The following ADAMTSL1 variants were observed in gnomAD, a reference collection of about 807,000 sequenced individuals.
ADAMTSL1 encodes the protein ADAMTS like 1.
A neutral mutation model predicts 201.8 loss-of-function variants in ADAMTSL1; 126 were observed. The observed-to-expected ratio is 0.62, with a 90% CI of 0.54 to 0.72. The LOEUF is 0.72. ADAMTSL1 is among the 30% of genes least tolerant of loss of function. The pLI, the probability that ADAMTSL1 is intolerant of heterozygous loss-of-function variation, is 0.00. For synonymous variants in ADAMTSL1, 1,121 were observed against 903.4 expected, an observed-to-expected ratio of 1.24 and a Z score of -4.32; for missense variants, 2,679 against 2,277.8, an observed-to-expected ratio of 1.18 and a Z score of -3.59.
intron 1 of ADAMTSL1, among the ~76,000 whole-genome samples, chr9:18,062,321 G>C (rs1022461424): frequency 2.0e-5 from 3 of 152,130 alleles, no homozygotes; most frequent in Admixed American, 6.5e-5. Flanking sequence ...TTGATATTGA[G>C]TTAAAAGTAT....
intron 1 of ADAMTSL1, among the ~76,000 whole-genome samples, chr9:18,086,076 T>C (rs745879328): frequency 1.3e-5 from 2 of 152,054 alleles, no homozygotes; most frequent in African/African-American, 2.4e-5. Flanking sequence ...GGCACTGACA[T>C]TTACCAAAGG....
chr9:18,773,879 C>T (rs2133736330), intron 17 of ADAMTSL1, among the ~76,000 whole-genome samples: 1 of 152,232 alleles, frequency 6.6e-6, no homozygotes, highest in East Asian at 1.9e-4. Context: ...CTGTCATTTA[C>T]AATAAAATAA....
At chr9:18,563,662 T>A (rs534688940) in intron 3 of ADAMTSL1, among the ~76,000 whole-genome samples, 1 of 152,304 alleles carries the variant, frequency 6.6e-6, no homozygotes, top group South Asian at 2.1e-4. Context: ...GAGTTTGATG[T>A]GTAAGCCCCT....
chr9:17,915,493 T>C (rs1826056493), intron 1 of ADAMTSL1, among the ~76,000 whole-genome samples: 2 of 152,234 alleles, frequency 1.3e-5, no homozygotes, highest in African/African-American at 2.4e-5. Context: ...CTGTTTCCAC[T>C]TTTGCTATTA....
At chr9:18,690,371 G>A (rs532623361) in intron 13 of ADAMTSL1, among the ~76,000 whole-genome samples, 1 of 152,138 alleles carries the variant, frequency 6.6e-6, no homozygotes, top group East Asian at 1.9e-4. Context: ...TTAATTGTGT[G>A]ACATGTGTTT....
chr9:18,067,688 A>G (rs545042194), intron 1 of ADAMTSL1, among the ~76,000 whole-genome samples: 1 of 152,328 alleles, frequency 6.6e-6, no homozygotes, highest in African/African-American at 2.4e-5. Context: ...CGGCAGCACT[A>G]AGCTTTACAA....
rs751761278 is a variant in ADAMTSL1, at chr9:18,684,775, G to A, written c.1549G>A (p.Gly517Arg). Reference sequence around the variant, plus strand: ...CAAACAAGCTCAAGAGCTAGAAGAAGGAGCTGCTGTGTCAGAGGAGCCCTC... The same window carrying A: ...CAAACAAGCTCAAGAGCTAGAAGAAAGAGCTGCTGTGTCAGAGGAGCCCTC... ...WFKQAQELEEGAAVSEEPSFI... is the reference protein window; with the variant it reads ...WFKQAQELEERAAVSEEPSFI... The change falls in exon 13 of 29, where the codon GGA becomes AGA. Residue 517 changes from glycine to arginine, a missense_variant. Physicochemically the swap from Gly to Arg is moderately radical, Grantham distance 125. Transcript: ENST00000380548. 26 of 1,612,734 alleles carry A rather than the reference G, an allele frequency of 1.6e-5. No individual in the cohort carries two copies. The highest frequency in any genetic ancestry group is 7.7e-5 in the South Asian group (7 of 90,344).
chr9:18,116,687 T>C (rs1046909638), intron 1 of ADAMTSL1, among the ~76,000 whole-genome samples: 7 of 152,328 alleles, frequency 4.6e-5, no homozygotes, highest in South Asian at 4.1e-4. Flanking sequence ...ATTTTCTTTT[T>C]CTTTTTTTAT....
intron 2 of ADAMTSL1, among the ~76,000 whole-genome samples, chr9:18,291,739 TCTCTCTCTCACACA>T (rs895730070): frequency 2.4e-5 from 3 of 123,502 alleles, no homozygotes; most frequent in African/African-American, 6.1e-5. Context: ...TCTCTCTCTC[TCTCTCTCTCACACA>T]CACACACACA....
chr9:18,656,650 A>AAAAAAAAT (rs71506010), intron 7 of ADAMTSL1, among the ~76,000 whole-genome samples: 2 of 148,382 alleles, frequency 1.3e-5, no homozygotes, highest in Non-Finnish European at 3.0e-5. Context: ...AAAAAAGAAA[A>AAAAAAAAT]TGTTAAGACT....
chr9:17,943,399 G>A (rs1214737365), intron 1 of ADAMTSL1, among the ~76,000 whole-genome samples: 1 of 152,118 alleles, frequency 6.6e-6, no homozygotes, highest in African/African-American at 2.4e-5. Flanking sequence ...TTGGTTTTGA[G>A]ATGGGGTAAA....
chr9:18,348,633 A>C (rs866156214), intron 2 of ADAMTSL1, among the ~76,000 whole-genome samples: 3 of 152,142 alleles, frequency 2.0e-5, no homozygotes, highest in Non-Finnish European at 4.4e-5. Context: ...ATCAGGACCA[A>C]CTGCAGACTT....
intron 15 of ADAMTSL1, among the ~76,000 whole-genome samples, chr9:18,730,883 G>A (rs994339193): frequency 1.3e-5 from 2 of 152,112 alleles, no homozygotes; most frequent in African/African-American, 2.4e-5. Context: ...ACACCTTTTC[G>A]GCTGCCTAAA....
chr9:18,112,993 T>C (rs1000782827), intron 1 of ADAMTSL1, among the ~76,000 whole-genome samples: 9 of 152,164 alleles, frequency 5.9e-5, no homozygotes, highest in African/African-American at 2.2e-4. Context: ...CCAGGTGTTC[T>C]AATGTCTAGT....
intron 21 of ADAMTSL1, among the ~76,000 whole-genome samples, chr9:18,819,106 G>A (rs755070189): frequency 1.3e-5 from 2 of 152,134 alleles, no homozygotes; most frequent in African/African-American, 4.8e-5. Context: ...AAACACTGGT[G>A]ATATGATGGA....
chr9:18,368,904 A>G (rs185438519), intron 2 of ADAMTSL1, among the ~76,000 whole-genome samples: 152 of 152,356 alleles, frequency 1.0e-3, no homozygotes, highest in South Asian at 2.9e-3. Context: ...AGTATAAAAC[A>G]TGGTAGTTCA....
intron 20 of ADAMTSL1, among the ~76,000 whole-genome samples, chr9:18,807,517 C>G (rs1053094982): frequency 6.6e-6 from 1 of 152,034 alleles, no homozygotes; most frequent in African/African-American, 2.4e-5. Flanking sequence ...CAGTGGCAGG[C>G]GCCTGTAGTC....
chr9:18,709,307 C>A (rs560975393), intron 14 of ADAMTSL1, among the ~76,000 whole-genome samples: 1 of 152,132 alleles, frequency 6.6e-6, no homozygotes, highest in Non-Finnish European at 1.5e-5. Context: ...ACTGTATTAT[C>A]AACTTTGATC....
At chr9:18,188,836 C>T (rs562910097) in intron 2 of ADAMTSL1, among the ~76,000 whole-genome samples, 1 of 152,244 alleles carries the variant, frequency 6.6e-6, no homozygotes, top group East Asian at 1.9e-4. Context: ...TTGCTGAACA[C>T]CGTTATGGGC....
Sources: gnomAD v4.1 joint callset for allele counts (sites outside exome capture counted in the v4.1 genomes callset) on GRCh38, gnomAD v4.1.1 for gene constraint, MANE v1.5 for transcripts, NCBI Gene and HGNC (gene_info 2026-07-23, HGNC 2026-07-21) for gene names.